RGS10: variants seen among roughly 807,000 people sequenced by gnomAD.
RGS10 encodes the protein regulator of G-protein signalling 10.
A neutral mutation model predicts 23.5 loss-of-function variants in RGS10; 11 were observed. The observed-to-expected ratio is 0.47, with a 90% CI of 0.29 to 0.77. The LOEUF is 0.77. Among genes scored for constraint, RGS10 ranks in the 30% least tolerant of loss-of-function variants. The pLI is 0.08. For synonymous variants in RGS10, 77 were observed against 83.2 expected, an observed-to-expected ratio of 0.92 and a Z score of 0.41; for missense variants, 180 against 226.3, an observed-to-expected ratio of 0.80 and a Z score of 1.31.
chr10:119,518,147 G>A (rs1305836751), intron 3 of RGS10, among the ~76,000 whole-genome samples: 5 of 152,244 alleles, frequency 3.3e-5, no homozygotes, highest in African/African-American at 9.6e-5. Context: ...TACTGTCCGG[G>A]TAGGAACAGA....
chr10:119,516,536 TCCA>T (rs1844146433), intron 3 of RGS10: 1 of 152,240 alleles, frequency 6.6e-6, no homozygotes, highest in African/African-American at 2.4e-5. Context: ...CATTGGCCCC[TCCA>T]GGTTGTGCGG....
intron 3 of RGS10, among the ~76,000 whole-genome samples, chr10:119,523,836 A>G (rs890600249): frequency 1.3e-5 from 2 of 152,154 alleles, no homozygotes; most frequent in African/African-American, 4.8e-5. Flanking sequence ...CCCTCCTTCC[A>G]ACCACTCCAT....
chr10:119,541,243 G>A (rs1342184517), intron 1 of RGS10, among the ~76,000 whole-genome samples: 1 of 152,166 alleles, frequency 6.6e-6, no homozygotes, highest in Non-Finnish European at 1.5e-5. Context: ...GCCAACCATA[G>A]AGACTGGTTA....
chr10:119,500,104 T>C lies in RGS10; in HGVS notation c.*9A>G, dbSNP rs1218266400. 3 of 1,610,532 alleles carry C rather than the reference T, an allele frequency of 1.9e-6. No individual in the cohort carries two copies. Among genetic ancestry groups the C allele is most frequent in the Non-Finnish European group, 1.7e-6 (2 of 1,179,012 alleles). On this transcript the variant is annotated 3_prime_UTR_variant, in exon 5 of 5. Coordinates refer to ENST00000369103, the MANE Select transcript of RGS10 (RefSeq NM_001005339.2). ...TTCTTAAAGCTGCCAGTCCCGGCTT[T>C]TTGGGGGCTCATGTGTTATAAATTC...
chr10:119,524,376 C>T lies in RGS10; in HGVS notation c.255+1656G>A, dbSNP rs763343709. 1.3e-5 allele frequency among the ~76,000 whole-genome samples: 2 copies of T among 152,216 alleles called. No homozygotes were observed. Among genetic ancestry groups the T allele is most frequent in the African/African-American group, 4.8e-5 (2 of 41,456 alleles). ...GCTCTGCCACGGTGCGGGGACCTCA[C>T]TTCCTTGTCTACACTGCAGGGGCGG... On this transcript the variant is annotated intron_variant, in intron 3 of 4. Transcript: ENST00000369103. This position sits in a 1 kb window ranked among gnomAD's most constrained non-coding sequence, Gnocchi z 5.2.
intron 1 of RGS10, chr10:119,536,494 T>G (rs1238141716): frequency 1.2e-6 from 2 of 1,612,050 alleles, no homozygotes; most frequent in Non-Finnish European, 1.7e-6. Flanking sequence ...CCTGAGAAGT[T>G]CCACGCAGAC....
intron 1 of RGS10, among the ~76,000 whole-genome samples, chr10:119,534,256 AAAATAAATAAATAAATAAAT>A (rs199735313): frequency 1.5e-4 from 18 of 123,002 alleles, no homozygotes; most frequent in African/African-American, 3.9e-4. Flanking sequence ...AACCTGTCTT[AAAATAAATAAATAAATAAAT>A]AAATAAATAA....
At chr10:119,537,038 T>C (rs909104719) in intron 1 of RGS10, among the ~76,000 whole-genome samples, 1 of 152,150 alleles carries the variant, frequency 6.6e-6, no homozygotes, top group African/African-American at 2.4e-5. Context: ...TTCTAAGGAA[T>C]GAGCCAAGCC....
intron 4 of RGS10, among the ~76,000 whole-genome samples, chr10:119,502,570 C>T (rs893456849): frequency 2.6e-5 from 4 of 152,006 alleles, no homozygotes; most frequent in Admixed American, 6.5e-5. Flanking sequence ...GAAAAAAGGC[C>T]GGTGCTGGGG....
intron 4 of RGS10, 133 bp downstream of exon 4, chr10:119,515,376 A>G (rs1589836041): frequency 1.9e-6 from 2 of 1,039,036 alleles, no homozygotes; most frequent in East Asian, 5.2e-5. Flanking sequence ...ATGGCCCCTC[A>G]GTGTACCTCG....
Position 119,517,934 on chromosome 10 carries a change from T to C in RGS10, c.256-2282A>G, listed in dbSNP as rs1013888614. On this transcript the variant is annotated intron_variant, in intron 3 of 4. Transcript: ENST00000369103. This position sits in a 1 kb window ranked among gnomAD's most constrained non-coding sequence, Gnocchi z 5.0. ...GGGTTCAAGGCCCTGGCTGACCAGA[T>C]GCCCACTGTGAGCAGCTGCAGGGCT... 6.6e-6 allele frequency among the ~76,000 whole-genome samples: 1 copy of C among 152,028 alleles called. No individual in the cohort carries two copies. The highest frequency in any genetic ancestry group is 2.4e-5 in the African/African-American group (1 of 41,384).
At chr10:119,515,341 A>C (rs1459060948) in intron 4 of RGS10, 168 bp downstream of exon 4, 6 of 743,038 alleles carry the variant, frequency 8.1e-6, no homozygotes, top group Non-Finnish European at 1.1e-5. Context: ...CAAGCTTAGA[A>C]TTCTGGTCCC....
intron 4 of RGS10, among the ~76,000 whole-genome samples, chr10:119,507,663 C>T (rs1589833570): frequency 1.4e-5 from 2 of 138,548 alleles, no homozygotes; most frequent in African/African-American, 5.4e-5. Flanking sequence ...CAGCTCAGTG[C>T]AACCTCTCCC....
At position 119,524,519 on chromosome 10, in the gene RGS10, C is replaced by T. The variant is rs1029946421; in HGVS notation, c.255+1513G>A. On this transcript the variant is annotated intron_variant, in intron 3 of 4. Transcript: ENST00000369103. This position sits in a 1 kb window ranked among gnomAD's most constrained non-coding sequence, Gnocchi z 5.2. ...GATTTTATGGTGAGGCTGGTCGCAG[C>T]GGTGGCACAGTCTAGCATTTATCGA... 2.0e-5 allele frequency among the ~76,000 whole-genome samples: 3 copies of T among 152,136 alleles called. No individual in the cohort carries two copies. The highest frequency in any genetic ancestry group is 4.4e-5 in the Non-Finnish European group (3 of 68,034).
At chr10:119,515,437 TC>T in intron 4 of RGS10, 71 bp downstream of exon 4, 1 of 1,575,684 alleles carries the variant, frequency 6.3e-7, no homozygotes, top group Middle Eastern at 1.7e-4. Flanking sequence ...ATCGGGTGTT[TC>T]AGTAAATTCT....
At chr10:119,506,458 C>G (rs1401067885) in intron 4 of RGS10, among the ~76,000 whole-genome samples, 1 of 152,230 alleles carries the variant, frequency 6.6e-6, no homozygotes, top group Non-Finnish European at 1.5e-5. Flanking sequence ...CCAGCGGGAT[C>G]AGAGAGACCT....
intron 3 of RGS10, among the ~76,000 whole-genome samples, chr10:119,516,818 C>T (rs781614775): frequency 6.6e-6 from 1 of 152,222 alleles, no homozygotes; most frequent in Non-Finnish European, 1.5e-5. Flanking sequence ...CGCAGGAGCC[C>T]TCTCCTCCAG....
Position 119,526,104 on chromosome 10 carries a change from CT to C in RGS10, c.182del (p.Lys61ArgfsTer12), listed in dbSNP as rs1452455945. On this transcript the variant is annotated frameshift_variant, in exon 3 of 5. Coordinates refer to ENST00000369103, the MANE Select transcript of RGS10 (RefSeq NM_001005339.2). LOFTEE classifies it high-confidence loss of function. ...ACAAAACATTTTCTTCACTGAATTC[CT>C]TTTTTAAAAATTCCTGTGGATACAA... ...GVKRFREFLK[K>X]EFSEENVLFW... 7.7e-6 allele frequency: 12 copies of C among 1,555,206 alleles called. No homozygotes were observed. The highest frequency in any genetic ancestry group is 1.8e-5 in the Admixed American group (1 of 54,142).
intron 1 of RGS10, among the ~76,000 whole-genome samples, chr10:119,542,360 T>C (rs1037310196): frequency 2.0e-5 from 3 of 152,196 alleles, no homozygotes; most frequent in Non-Finnish European, 4.4e-5. Context: ...CTGCGGCTGT[T>C]CCTCTTTCAG....
Sources: allele counts gnomAD v4.1 joint callset (sites outside exome capture counted in the v4.1 genomes callset), GRCh38; gene constraint gnomAD v4.1.1; non-coding constraint Gnocchi (gnomAD v3.1); transcripts MANE v1.5; gene names NCBI Gene and HGNC (gene_info 2026-07-23, HGNC 2026-07-21).